Variants in TMTC1 observed in about 807,000 individuals in gnomAD.
TMTC1 encodes the protein protein O-mannosyl-transferase TMTC1.
TMTC1 carries 73 observed loss-of-function variants against 104.8 expected under a neutral mutation model. The ratio of observed to expected loss-of-function variants is 0.70; its 90% CI spans 0.58 to 0.85. The LOEUF (loss-of-function observed/expected upper bound fraction) is 0.85, where lower values mean the gene tolerates loss of function less well. Among genes scored for constraint, TMTC1 ranks in the 40% least tolerant of loss-of-function variants. The pLI, the probability that TMTC1 is intolerant of heterozygous loss-of-function variation, is 0.00. For missense variants in TMTC1, 1,035 were observed against 1,096.1 expected (o/e 0.94, Z 0.79); for synonymous variants, 434 against 428.7 (o/e 1.01, Z -0.15).
intron 6 of TMTC1, among the ~76,000 whole-genome samples, chr12:29,625,095 A>C (rs1937908346): frequency 6.6e-6 from 1 of 152,210 alleles, no homozygotes; most frequent in Non-Finnish European, 1.5e-5. Context: ...GATTCAGTAC[A>C]CAACTCGTTT....
upstream of TMTC1, chr12:29,784,570 G>T (rs1943913355): frequency 6.6e-6 from 1 of 152,280 alleles, no homozygotes; most frequent in Non-Finnish European, 1.5e-5. Flanking sequence ...TGCTCGCCCT[G>T]CCCGGGTGTG....
intron 9 of TMTC1, among the ~76,000 whole-genome samples, chr12:29,571,311 T>C (rs1338991736): frequency 6.6e-6 from 1 of 152,066 alleles, no homozygotes; most frequent in Non-Finnish European, 1.5e-5. Flanking sequence ...AGTACATGTA[T>C]TATCTGGGGT....
chr12:29,750,936 A>T (rs1420113652), intron 5 of TMTC1, among the ~76,000 whole-genome samples: 1 of 152,228 alleles, frequency 6.6e-6, no homozygotes, highest in Non-Finnish European at 1.5e-5. Flanking sequence ...TGCCCTATAA[A>T]AGCTTCCCCA....
At chr12:29,522,340 A>G (rs1470051050) in intron 11 of TMTC1, among the ~76,000 whole-genome samples, 1 of 152,168 alleles carries the variant, frequency 6.6e-6, no homozygotes, top group Admixed American at 6.5e-5. Context: ...TCCTACATTT[A>G]AGTAACATTA....
chr12:29,600,710 C>A (rs1024836314), intron 7 of TMTC1, among the ~76,000 whole-genome samples: 7 of 152,164 alleles, frequency 4.6e-5, no homozygotes, highest in African/African-American at 1.7e-4. Flanking sequence ...CTTTCGTCAG[C>A]CCCCAGACCA....
At chr12:29,533,499 A>G (rs1457581082) in intron 11 of TMTC1, 1 of 152,172 alleles carries the variant, frequency 6.6e-6, no homozygotes, top group Non-Finnish European at 1.5e-5. Flanking sequence ...ATGTGTCTCG[A>G]AACATCTCTG....
intron 5 of TMTC1, among the ~76,000 whole-genome samples, chr12:29,652,574 G>T (rs1939572567): frequency 6.6e-6 from 1 of 152,228 alleles, no homozygotes; most frequent in Non-Finnish European, 1.5e-5. Flanking sequence ...GCAGGCCTAT[G>T]ACAGCAGAGT....
At chr12:29,744,128 C>A (rs1942894227) in intron 5 of TMTC1, among the ~76,000 whole-genome samples, 1 of 152,196 alleles carries the variant, frequency 6.6e-6, no homozygotes, top group Non-Finnish European at 1.5e-5. Context: ...CCCTGTGCAT[C>A]CAGTTGGAAG....
Position 29,672,667 on chromosome 12 carries a change from G to A in TMTC1, c.939-39331C>T, listed in dbSNP as rs147860543. ...CCTCTCACCCCATCCTCATTCACAT[G>A]CTCTGAAGCAACTCTAATAACAACG... On this transcript the variant is annotated intron_variant, in intron 5 of 17. Transcript: ENST00000539277. 3.6e-3 allele frequency among the ~76,000 whole-genome samples: 555 copies of A among 152,216 alleles called. 5 individuals are homozygous for A. Among genetic ancestry groups the A allele is most frequent in the African/African-American group, 0.013 (539 of 41,542 alleles).
At chr12:29,726,846 G>A (rs1259496241) in intron 5 of TMTC1, among the ~76,000 whole-genome samples, 2 of 152,098 alleles carry the variant, frequency 1.3e-5, no homozygotes, top group African/African-American at 2.4e-5. Flanking sequence ...GAAATTAAAT[G>A]TAAACATAAA....
chr12:29,534,888 C>G (rs540538156), intron 11 of TMTC1: 1 of 151,964 alleles, frequency 6.6e-6, no homozygotes, highest in Admixed American at 6.6e-5. Flanking sequence ...TAGTAGAGAA[C>G]ATGATGGGCT....
At chr12:29,652,482 A>G (rs1939568219) in intron 5 of TMTC1, among the ~76,000 whole-genome samples, 1 of 152,224 alleles carries the variant, frequency 6.6e-6, no homozygotes, top group East Asian at 1.9e-4. Flanking sequence ...CAAAAAGCAA[A>G]ACAAGGATAT....
At chr12:29,549,352 T>A (rs1025964237) in intron 10 of TMTC1, among the ~76,000 whole-genome samples, 2 of 151,818 alleles carry the variant, frequency 1.3e-5, no homozygotes, top group Non-Finnish European at 2.9e-5. Context: ...GTAAAAAAAA[T>A]AAAATCAGAA....
At chr12:29,511,966 A>C in intron 17 of TMTC1, 77 bp downstream of exon 17, 1 of 1,338,624 alleles carries the variant, frequency 7.5e-7, no homozygotes. Context: ...TAGTTCCTCA[A>C]TCCTTTAAGA....
rs539238697 is a variant in TMTC1 at position 29,679,065 on chromosome 12, G to A, written c.939-45729C>T. Among the ~76,000 whole-genome samples, 29 of 152,242 alleles carry A rather than the reference G, an allele frequency of 1.9e-4. No individual in the cohort carries two copies. The South Asian group carries it at 5.6e-3, about 29-fold the overall frequency. On this transcript the variant is annotated intron_variant, in intron 5 of 17. Coordinates refer to ENST00000539277, the MANE Select transcript of TMTC1 (RefSeq NM_001193451.2). ...CCTAAATATCTAATATAGGTGAATA[G>A]CTAAATAAATTTTCATACAACCATG...
chr12:29,721,373 A>T (rs1242195942), intron 5 of TMTC1, among the ~76,000 whole-genome samples: 1 of 152,172 alleles, frequency 6.6e-6, no homozygotes, highest in Non-Finnish European at 1.5e-5. Context: ...GAAAAGATAG[A>T]AAAATGTATC....
At chr12:29,721,550 A>ATT (rs1206669742) in intron 5 of TMTC1, among the ~76,000 whole-genome samples, 1 of 152,162 alleles carries the variant, frequency 6.6e-6, no homozygotes, top group East Asian at 1.9e-4. Flanking sequence ...TATATATATA[A>ATT]AGCAAAAGTG....
chr12:29,660,776 GTATATATA>G (rs144268878), intron 5 of TMTC1: 45 of 704,490 alleles, frequency 6.4e-5, no homozygotes, highest in African/African-American at 5.1e-4. Flanking sequence ...TATTTCAAAA[GTATATATA>G]TATATATATA....
chr12:29,576,250 T>C (rs1346906634), intron 8 of TMTC1, among the ~76,000 whole-genome samples: 1 of 152,188 alleles, frequency 6.6e-6, no homozygotes, highest in Non-Finnish European at 1.5e-5. Flanking sequence ...AGTTTTTTAG[T>C]TTGATGCAGT....
Sources: allele counts gnomAD v4.1 joint callset (sites outside exome capture counted in the v4.1 genomes callset), GRCh38; gene constraint gnomAD v4.1.1; transcripts MANE v1.5; gene names NCBI Gene and HGNC (gene_info 2026-07-23, HGNC 2026-07-21).